Variants in FAM174B observed in about 807,000 individuals in gnomAD.
FAM174B encodes the protein family with sequence similarity 174 member B, also known as membrane protein FAM174B.
A neutral mutation model predicts 10.9 loss-of-function variants in FAM174B; 12 were observed. The ratio of observed to expected loss-of-function variants is 1.10; its 90% CI spans 0.71 to 1.79. FAM174B has a LOEUF of 1.79. Ranked by LOEUF, FAM174B falls within the 40% of genes most tolerant of loss-of-function variation. The pLI is 0.00. For missense variants in FAM174B, 266 were observed against 233.3 expected, an observed-to-expected ratio of 1.14 and a Z score of -0.91; for synonymous variants, 132 against 115.8, an observed-to-expected ratio of 1.14 and a Z score of -0.90.
chr15:92,646,318 T>A (rs16947139), intron 1 of FAM174B, among the ~76,000 whole-genome samples: 87,125 of 152,160 alleles, frequency 0.57, 26,878 homozygotes, highest in Non-Finnish European at 0.67. Context: ...CCAGCTGGAA[T>A]TGGCTTCCAA....
At chr15:92,650,972 T>C (rs1490368698) in intron 1 of FAM174B, among the ~76,000 whole-genome samples, 1 of 152,212 alleles carries the variant, frequency 6.6e-6, no homozygotes, top group East Asian at 1.9e-4. Context: ...AAAAATGGTT[T>C]GCCTTAATGA....
chr15:92,649,658 T>C (rs1405107285), intron 1 of FAM174B, among the ~76,000 whole-genome samples: 1 of 152,166 alleles, frequency 6.6e-6, no homozygotes, highest in Non-Finnish European at 1.5e-5. Flanking sequence ...ACTGCCCATA[T>C]CAGACAACCA....
At chr15:92,633,201 C>T (rs1193701674) in intron 1 of FAM174B, among the ~76,000 whole-genome samples, 3 of 152,286 alleles carry the variant, frequency 2.0e-5, no homozygotes, top group Middle Eastern at 3.4e-3. Context: ...GAGTGGAGAC[C>T]ACATCAAAGA....
intron 1 of FAM174B, among the ~76,000 whole-genome samples, chr15:92,650,695 T>C (rs1276739353): frequency 2.0e-5 from 3 of 152,234 alleles, no homozygotes; most frequent in South Asian, 2.1e-4. Context: ...CAGCAGTCCT[T>C]GGCTTATGTG....
At chr15:92,654,799 AAAGAAG>A (rs528819022) in intron 1 of FAM174B, among the ~76,000 whole-genome samples, 6 of 146,958 alleles carry the variant, frequency 4.1e-5, no homozygotes, top group African/African-American at 1.3e-4. Context: ...AAAAAAAAAA[AAAGAAG>A]AAGAAGAAGA....
chr15:92,639,008 G>GA (rs1567047623), intron 1 of FAM174B: 1 of 152,290 alleles, frequency 6.6e-6, no homozygotes, highest in African/African-American at 2.4e-5. Flanking sequence ...CCGCCAGTGA[G>GA]GCAAGGAGGG....
At position 92,631,244 on chromosome 15, in the gene FAM174B, ATATTATATAT is replaced by A. The variant is rs2050802539; in HGVS notation, c.345-909_345-900del. Among the ~76,000 whole-genome samples the A allele has an allele frequency of 1.2e-3, 21 of 17,036 alleles. 6 individuals are homozygous for A. Among genetic ancestry groups the A allele is most frequent in the Non-Finnish European group, 1.5e-3 (16 of 10,850 alleles). 11.2% of individuals were successfully genotyped at this position (17,036 alleles called of 152,430 possible). A position where few individuals can be genotyped will look rare whatever the true frequency, so the allele number is the denominator to read the frequency against. On this transcript the variant is annotated intron_variant, in intron 1 of 2. Coordinates refer to ENST00000327355, the MANE Select transcript of FAM174B (RefSeq NM_207446.3). ...TATTATATATAATATATTATATATT[ATATTATATAT>A]AATATATTATATATTATATTATATA...
intron 1 of FAM174B, among the ~76,000 whole-genome samples, chr15:92,642,203 C>G (rs898990912): frequency 6.6e-6 from 1 of 152,168 alleles, no homozygotes; most frequent in South Asian, 2.1e-4. Context: ...AACCCTCATA[C>G]ACTTCTAGTG....
At chr15:92,651,009 G>C (rs918285417) in intron 1 of FAM174B, among the ~76,000 whole-genome samples, 1 of 152,234 alleles carries the variant, frequency 6.6e-6, no homozygotes, top group Non-Finnish European at 1.5e-5. Flanking sequence ...AGGTGGACGT[G>C]ATTCTACAGA....
intron 1 of FAM174B, among the ~76,000 whole-genome samples, chr15:92,631,552 T>C (rs11074089): frequency 0.61 from 75,638 of 123,214 alleles, 24,658 homozygotes; most frequent in East Asian, 0.73. Context: ...TGGAGTGCAG[T>C]GGCGTGATCT....
chr15:92,623,561 T>C (rs914896042), intron 2 of FAM174B, among the ~76,000 whole-genome samples: 4 of 152,180 alleles, frequency 2.6e-5, no homozygotes, highest in African/African-American at 7.2e-5. Flanking sequence ...CCAACTTGCT[T>C]CTGGCCCATG....
At chr15:92,632,093 G>T (rs77422036) in intron 1 of FAM174B, among the ~76,000 whole-genome samples, 2,495 of 152,312 alleles carry the variant, frequency 0.016, 23 homozygotes, top group Non-Finnish European at 0.025. Context: ...TATTAGGGAT[G>T]ATAAATAAAG....
At chr15:92,653,635 A>C (rs1386333606) in intron 1 of FAM174B, among the ~76,000 whole-genome samples, 1 of 152,270 alleles carries the variant, frequency 6.6e-6, no homozygotes, top group Non-Finnish European at 1.5e-5. Context: ...GTTGGACTGA[A>C]GGATGCACAG....
chr15:92,628,135 GTAT>G (rs1346502392), intron 2 of FAM174B, among the ~76,000 whole-genome samples: 1 of 151,600 alleles, frequency 6.6e-6, no homozygotes, highest in African/African-American at 2.4e-5. Flanking sequence ...TTTTGGATTT[GTAT>G]TATTTTCATT....
intron 1 of FAM174B, among the ~76,000 whole-genome samples, chr15:92,647,979 T>C (rs531420045): frequency 1.3e-5 from 2 of 152,296 alleles, no homozygotes; most frequent in South Asian, 4.1e-4. Context: ...AACTCAAGCA[T>C]TCCTTTCTAT....
rs2050699916 is a variant in FAM174B, at chr15:92,618,972, AAG to A, written c.*482_*483del. The A allele has an allele frequency of 1.7e-6, 1 of 582,622 alleles. No homozygotes were observed. The highest frequency in any genetic ancestry group is 2.1e-5 in the South Asian group (1 of 48,124). The allele number at this position is 582,622 out of a possible 1,614,324, so 36.1% of individuals were successfully genotyped here. On this transcript the variant is annotated 3_prime_UTR_variant, in exon 3 of 3. Transcript: ENST00000327355. ...GCCAAAATGAGGCCAGGACCTGACCAAGCCAAAAAAGCAGCAAAGGATCAGAT... is the reference window on the plus strand; with the variant it reads ...GCCAAAATGAGGCCAGGACCTGACCACCAAAAAAGCAGCAAAGGATCAGAT...
In FAM174B at chr15:92,630,318, G is replaced by C. The variant is rs1334526378; in HGVS notation, c.372C>G (p.Arg124=). The C allele has an allele frequency of 3.7e-6, 6 of 1,613,238 alleles. No homozygotes were observed. In the African/African-American group the frequency reaches 5.3e-5, roughly 14 times the overall value. ...FRSGKRLKKT[R]KYDIITTPAE... ...CTGGAGTGGTGATGATATCATACTTGCGTGTCTTCTTTAACCTCTTTCCCG... is the reference window on the plus strand; with the variant it reads ...CTGGAGTGGTGATGATATCATACTTCCGTGTCTTCTTTAACCTCTTTCCCG... The change falls in exon 2 of 3, where the codon CGC becomes CGG. Residue 124 remains arginine, a synonymous_variant. Transcript: ENST00000327355.
intron 1 of FAM174B, among the ~76,000 whole-genome samples, chr15:92,648,457 T>C (rs761834269): frequency 6.6e-6 from 1 of 152,170 alleles, no homozygotes; most frequent in Non-Finnish European, 1.5e-5. Context: ...TCCTAGGTGC[T>C]GGGTTCAGTG....
intron 1 of FAM174B, among the ~76,000 whole-genome samples, chr15:92,648,374 T>C (rs985479304): frequency 2.0e-5 from 3 of 152,206 alleles, no homozygotes; most frequent in South Asian, 2.1e-4. Flanking sequence ...ATGTGTTCCA[T>C]GGCACCTCTA....
Sources: gnomAD v4.1 joint callset for allele counts (sites outside exome capture counted in the v4.1 genomes callset) on GRCh38, gnomAD v4.1.1 for gene constraint, MANE v1.5 for transcripts, NCBI Gene and HGNC (gene_info 2026-07-23, HGNC 2026-07-21) for gene names.